TMEM244: variants seen among roughly 807,000 people sequenced by gnomAD.
TMEM244 encodes transmembrane protein 244.
In TMEM244, 13 loss-of-function variants were observed where a neutral mutation model predicts 15.8. The observed-to-expected ratio is 0.82, with a 90% confidence interval of 0.53 to 1.30. TMEM244 has a LOEUF of 1.30. Among genes scored for constraint, TMEM244 ranks in the 50% most tolerant of loss-of-function variants. The probability of loss-of-function intolerance (pLI) is 0.00; values close to 1 mark genes in which losing one functional copy is unlikely to be tolerated. For missense variants in TMEM244, 161 were observed against 144.9 expected (o/e 1.11, Z -0.57); for synonymous variants, 45 against 48.7 (o/e 0.92, Z 0.32).
intron 1 of TMEM244, among the ~76,000 whole-genome samples, chr6:129,853,581 A>C (rs1048064339): frequency 6.6e-6 from 1 of 152,152 alleles, no homozygotes; most frequent in Non-Finnish European, 1.5e-5. Context: ...GGTCTGCTAC[A>C]ACTGATCTTT....
At chr6:129,833,354 T>C (rs1776357474) in intron 4 of TMEM244, 106 bp downstream of exon 4, 2 of 1,244,822 alleles carry the variant, frequency 1.6e-6, no homozygotes, top group Non-Finnish European at 2.1e-6. Flanking sequence ...ATCATCTAGC[T>C]ATCATACAAG....
intron 3 of TMEM244, among the ~76,000 whole-genome samples, chr6:129,837,778 T>G (rs9388741): frequency 0.15 from 22,520 of 152,172 alleles, 1,821 homozygotes; most frequent in South Asian, 0.24. Context: ...AATCTTAGTC[T>G]CTGATACAAC....
chr6:129,861,096 C>A, intron 1 of TMEM244, 60 bp downstream of exon 1: 1 of 1,586,542 alleles, frequency 6.3e-7, no homozygotes, highest in South Asian at 1.1e-5. Flanking sequence ...AGAACATATT[C>A]ATTTACACCA....
intron 3 of TMEM244, among the ~76,000 whole-genome samples, chr6:129,835,890 T>A (rs145582696): frequency 2.4e-4 from 37 of 152,074 alleles, no homozygotes; most frequent in African/African-American, 8.9e-4. Flanking sequence ...TAGCTCACAG[T>A]GTAAACAAAG....
intron 3 of TMEM244, among the ~76,000 whole-genome samples, chr6:129,840,087 T>C (rs1187857762): frequency 6.6e-6 from 1 of 152,142 alleles, no homozygotes; most frequent in Non-Finnish European, 1.5e-5. Flanking sequence ...TACTCTAAAG[T>C]TCATATGGAA....
At chr6:129,843,220 G>C (rs938136338) in intron 3 of TMEM244, among the ~76,000 whole-genome samples, 1 of 151,794 alleles carries the variant, frequency 6.6e-6, no homozygotes, top group Non-Finnish European at 1.5e-5. Flanking sequence ...TTCTACATCA[G>C]CACATTAAGT....
rs1031731200 is a variant in TMEM244 at position 129,851,418 on chromosome 6, G to A, written c.34-5566C>T. ...CAAGAAGCTGGGGTTACAGGTGTCT[G>A]CCACCATGCCCAGCAAATTTTTTGT... On this transcript the variant is annotated intron_variant, in intron 1 of 4. Coordinates refer to ENST00000368143, the MANE Select transcript of TMEM244 (RefSeq NM_001010876.2). 1.7e-4 allele frequency among the ~76,000 whole-genome samples: 26 copies of A among 152,118 alleles called. 1 individual carries two copies. Among genetic ancestry groups the A allele is most frequent in the Admixed American group, 3.3e-4 (5 of 15,266 alleles).
chr6:129,837,975 A>AG (rs1245905211), intron 3 of TMEM244, among the ~76,000 whole-genome samples: 2 of 152,258 alleles, frequency 1.3e-5, no homozygotes, highest in Non-Finnish European at 2.9e-5. Context: ...TAATAATGGT[A>AG]GACTTTAACA....
intron 1 of TMEM244, among the ~76,000 whole-genome samples, chr6:129,857,974 T>C (rs749070217): frequency 1.5e-4 from 23 of 151,934 alleles, no homozygotes; most frequent in Non-Finnish European, 2.9e-4. Flanking sequence ...TCTATGAAGA[T>C]GAGTGAAGAT....
chr6:129,845,957 T>TTGTATTGCTTA, intron 1 of TMEM244, 105 bp from the exon 2 acceptor site: 2 of 741,002 alleles, frequency 2.7e-6, no homozygotes, highest in Middle Eastern at 4.8e-4. Context: ...TAGTGTTGGC[T>TTGTATTGCTTA]AGCCTTGTAT....
rs780893517 is a variant in TMEM244 at position 129,843,594 on chromosome 6, C to G, written c.129G>C (p.Glu43Asp). Residue 43 changes from glutamate (E) to aspartate (D), a missense_variant, in exon 3 of 5, where the codon GAG (glutamate) becomes GAC (aspartate). Glu to Asp is a conservative substitution (Grantham distance 45, BLOSUM62 2). Coordinates refer to ENST00000368143, the MANE Select transcript of TMEM244 (RefSeq NM_001010876.2). ...SMGCVMFEVH[E>D]LNVLAPFDFK... Reference sequence around the variant, plus strand: ...AATCAAATGGAGCCAGGACATTCAACTCATGCACCCTAAAGATGTTATAAG... The same window carrying G: ...AATCAAATGGAGCCAGGACATTCAAGTCATGCACCCTAAAGATGTTATAAG... 6.2e-7 allele frequency: 1 copy of G among 1,610,984 alleles called. No individual in the cohort carries two copies. Among genetic ancestry groups the G allele is most frequent in the Admixed American group, 1.7e-5 (1 of 59,968 alleles).
At chr6:129,852,359 G>T (rs1776646620) in intron 1 of TMEM244, among the ~76,000 whole-genome samples, 1 of 152,124 alleles carries the variant, frequency 6.6e-6, no homozygotes, top group South Asian at 2.1e-4. Context: ...ATACCTGTAT[G>T]TGCAAGACGC....
At chr6:129,841,798 A>T (rs1302608708) in intron 3 of TMEM244, among the ~76,000 whole-genome samples, 1 of 152,126 alleles carries the variant, frequency 6.6e-6, no homozygotes, top group Non-Finnish European at 1.5e-5. Context: ...TCCTTACTAA[A>T]ATTGATCTCC....
chr6:129,833,396 G>A, intron 4 of TMEM244, 64 bp downstream of exon 4: 1 of 1,526,612 alleles, frequency 6.6e-7, no homozygotes. Flanking sequence ...TACTCAGGAA[G>A]TGGTTTATGT....
rs9321190 is a variant in TMEM244 at position 129,843,619 on chromosome 6, G to A, written c.120-16C>T. The A allele has an allele frequency of 0.78, 1,239,022 of 1,596,964 alleles. 490,207 individuals carry two copies. Among genetic ancestry groups the A allele is most frequent in the Non-Finnish European group, 0.82 (953,024 of 1,167,086 alleles). ...CTCATGCACCCTAAAGATGTTATAA[G>A]TGAAAACAGTTTACTCTGAATGAGG... is the stretch of plus-strand genomic sequence containing the variant. On this transcript the variant is annotated splice_polypyrimidine_tract_variant and intron_variant, in intron 2 of 4. Coordinates refer to ENST00000368143, the MANE Select transcript of TMEM244 (RefSeq NM_001010876.2).
Position 129,841,338 on chromosome 6 carries a change from C to A in TMEM244, c.193+2192G>T, listed in dbSNP as rs1293506312. ...TATCACAAGAACAGAAAACCAAACA[C>A]CACATGTTCTCACTCATAGGTGGGA... On this transcript the variant is annotated intron_variant, in intron 3 of 4. Coordinates refer to ENST00000368143, the MANE Select transcript of TMEM244 (RefSeq NM_001010876.2). 2.0e-5 allele frequency among the ~76,000 whole-genome samples: 3 copies of A among 150,776 alleles called. No individual in the cohort carries two copies. The East Asian group carries it at 5.8e-4, about 29-fold the overall frequency.
At chr6:129,839,777 C>T (rs1776462463) in intron 3 of TMEM244, among the ~76,000 whole-genome samples, 1 of 152,180 alleles carries the variant, frequency 6.6e-6, no homozygotes, top group South Asian at 2.1e-4. Context: ...CATTCCTATA[C>T]ACAAATAATA....
At chr6:129,834,834 T>C (rs921161687) in intron 3 of TMEM244, among the ~76,000 whole-genome samples, 1 of 152,196 alleles carries the variant, frequency 6.6e-6, no homozygotes, top group Non-Finnish European at 1.5e-5. Flanking sequence ...TCACATCTCA[T>C]TCCTCCCTCC....
At chr6:129,841,668 C>CA (rs543465755) in intron 3 of TMEM244, among the ~76,000 whole-genome samples, 12 of 152,012 alleles carry the variant, frequency 7.9e-5, no homozygotes, top group Non-Finnish European at 1.6e-4. Context: ...TTATTTATCT[C>CA]AAAAAAATTG....
Sources: allele counts gnomAD v4.1 joint callset (sites outside exome capture counted in the v4.1 genomes callset), GRCh38; gene constraint gnomAD v4.1.1; transcripts MANE v1.5; gene names NCBI Gene and HGNC (gene_info 2026-07-23, HGNC 2026-07-21).